Variants in HACE1 observed in about 807,000 individuals in gnomAD.
HACE1 encodes HECT domain and ankyrin repeat containing E3 ubiquitin protein ligase 1.
A neutral mutation model predicts 118.4 loss-of-function variants in HACE1; 73 were observed. The ratio of observed to expected loss-of-function variants is 0.62; its 90% CI spans 0.51 to 0.75. The LOEUF is 0.75. Ranked by LOEUF, HACE1 falls within the 30% of genes least tolerant of loss-of-function variation. The pLI, the probability that HACE1 is intolerant of heterozygous loss-of-function variation, is 0.00. For missense variants in HACE1, 749 were observed against 1,102.2 expected, an observed-to-expected ratio of 0.68 and a Z score of 4.54; for synonymous variants, 368 against 374.8, an observed-to-expected ratio of 0.98 and a Z score of 0.21.
At chr6:104,778,708 G>A (rs2114757427) in intron 14 of HACE1, among the ~76,000 whole-genome samples, 1 of 152,102 alleles carries the variant, frequency 6.6e-6, no homozygotes, top group East Asian at 1.9e-4. Flanking sequence ...GGCTGAGGTG[G>A]GAGAAAACTT....
chr6:104,774,081 T>TC (rs1780932173), intron 17 of HACE1, among the ~76,000 whole-genome samples: 3 of 26,912 alleles, frequency 1.1e-4, no homozygotes, highest in African/African-American at 5.2e-4. Context: ...ATCTTTTCTC[T>TC]TTTTTTTTTT....
At chr6:104,831,641 C>A (rs1260661328) in intron 6 of HACE1, among the ~76,000 whole-genome samples, 1 of 150,520 alleles carries the variant, frequency 6.6e-6, no homozygotes, top group Non-Finnish European at 1.5e-5. Context: ...CGCCTGTAAT[C>A]CCAGCATTTT....
intron 4 of HACE1, among the ~76,000 whole-genome samples, chr6:104,844,285 T>A (rs1276765495): frequency 6.6e-6 from 1 of 151,876 alleles, no homozygotes; most frequent in Non-Finnish European, 1.5e-5. Context: ...TCTGCCCGCC[T>A]AGGTCTCCCA....
At chr6:104,738,503 G>A (rs1387767904) in intron 22 of HACE1, among the ~76,000 whole-genome samples, 6 of 150,040 alleles carry the variant, frequency 4.0e-5, no homozygotes, top group Admixed American at 1.3e-4. Context: ...ACCAAGGCTC[G>A]AGAACTACGT....
chr6:104,823,396 T>C (rs1419469553), intron 6 of HACE1, among the ~76,000 whole-genome samples: 2 of 151,362 alleles, frequency 1.3e-5, no homozygotes, highest in African/African-American at 4.9e-5. Flanking sequence ...ATCATGCCAC[T>C]GCTCCAGACT....
At chr6:104,767,224 G>T (rs755806085) in intron 19 of HACE1, among the ~76,000 whole-genome samples, 5 of 152,150 alleles carry the variant, frequency 3.3e-5, no homozygotes, top group Non-Finnish European at 7.3e-5. Context: ...ATGATAATGA[G>T]GTTGATGAAG....
chr6:104,763,829 C>T (rs894292849), intron 19 of HACE1, among the ~76,000 whole-genome samples: 19 of 152,112 alleles, frequency 1.2e-4, no homozygotes, highest in African/African-American at 4.3e-4. Flanking sequence ...GTGGGCAGAT[C>T]ACTTGGGGTC....
At chr6:104,844,865 C>T (rs1485609092) in intron 4 of HACE1, among the ~76,000 whole-genome samples, 1 of 150,798 alleles carries the variant, frequency 6.6e-6, no homozygotes, top group Non-Finnish European at 1.5e-5. Context: ...GGTTTCACCA[C>T]GTTGGCCAGG....
Position 104,794,275 on chromosome 6 carries a change from A to G in HACE1, c.923+1304T>C, listed in dbSNP as rs1487077270. 2.0e-5 allele frequency among the ~76,000 whole-genome samples: 3 copies of G among 152,208 alleles called. No homozygotes were observed. In the South Asian group the frequency reaches 6.2e-4, roughly 32 times the overall value. On this transcript the variant is annotated intron_variant, in intron 10 of 23. Transcript: ENST00000262903. The stretch of plus-strand genomic sequence containing the variant: ...CTTAAAAACATAGATACATCAAAAC[A>G]TAAATGCTTTATAATTACTGTGGAA...
chr6:104,823,066 G>GT (rs1166163474), intron 6 of HACE1, among the ~76,000 whole-genome samples: 1 of 152,168 alleles, frequency 6.6e-6, no homozygotes, highest in Admixed American at 6.5e-5. Context: ...TGGTGAAAAA[G>GT]TAATTGTGGT....
At position 104,784,495 on chromosome 6, in the gene HACE1, GA is replaced by G; in HGVS notation, c.1410-11del. On this transcript the variant is annotated splice_polypyrimidine_tract_variant and intron_variant, in intron 12 of 23. Transcript: ENST00000262903. ...ACGAGGTGAAGTCATTCTGTGGGGGGAAAACATCAATCAGAATACACAGGCA... is the reference window on the plus strand; with the variant it reads ...ACGAGGTGAAGTCATTCTGTGGGGGGAAACATCAATCAGAATACACAGGCA... 1 of 1,597,274 alleles carries G rather than the reference GA, an allele frequency of 6.3e-7. No homozygotes were observed. Among genetic ancestry groups the G allele is most frequent in the Non-Finnish European group, 8.6e-7 (1 of 1,165,198 alleles).
chr6:104,736,891 A>G (rs1001650469), intron 22 of HACE1, among the ~76,000 whole-genome samples: 26 of 152,154 alleles, frequency 1.7e-4, no homozygotes, highest in South Asian at 1.0e-3. Context: ...GAATAGTGGG[A>G]TCACTTAACA....
chr6:104,806,688 A>G (rs1174360632), intron 7 of HACE1, among the ~76,000 whole-genome samples: 1 of 152,196 alleles, frequency 6.6e-6, no homozygotes, highest in Non-Finnish European at 1.5e-5. Flanking sequence ...TTATAAATGA[A>G]GTTGTTTTTG....
At chr6:104,826,612 T>G (rs772314243) in intron 6 of HACE1, among the ~76,000 whole-genome samples, 13 of 152,208 alleles carry the variant, frequency 8.5e-5, no homozygotes, top group Non-Finnish European at 1.2e-4. Flanking sequence ...CTTGCTAAAA[T>G]TAAGCGCAGT....
At chr6:104,757,311 C>T (rs939791837) in intron 19 of HACE1, among the ~76,000 whole-genome samples, 2 of 152,086 alleles carry the variant, frequency 1.3e-5, no homozygotes, top group African/African-American at 2.4e-5. Flanking sequence ...CTCATACAGG[C>T]GGGTGCCCCT....
At chr6:104,820,768 A>G (rs548566430) in intron 6 of HACE1, among the ~76,000 whole-genome samples, 10 of 152,358 alleles carry the variant, frequency 6.6e-5, no homozygotes, top group African/African-American at 2.2e-4. Context: ...CCATTGTAGA[A>G]GACAGTGTGG....
chr6:104,827,249 C>CT (rs1329557727), intron 6 of HACE1, among the ~76,000 whole-genome samples: 1 of 152,056 alleles, frequency 6.6e-6, no homozygotes, highest in East Asian at 1.9e-4. Flanking sequence ...TGATAAAACT[C>CT]TAAGTAAAAA....
intron 7 of HACE1, among the ~76,000 whole-genome samples, chr6:104,807,366 C>CT (rs1771125226): frequency 6.6e-6 from 1 of 152,044 alleles, no homozygotes; most frequent in African/African-American, 2.4e-5. Context: ...TTTGAATACT[C>CT]TAACTGAAAC....
chr6:104,831,750 G>A (rs944853570), intron 6 of HACE1, among the ~76,000 whole-genome samples: 61 of 151,704 alleles, frequency 4.0e-4, no homozygotes, highest in African/African-American at 1.4e-3. Flanking sequence ...AAAATTAGCC[G>A]GGCGTGGTGG....
Sources: allele counts gnomAD v4.1 joint callset (sites outside exome capture counted in the v4.1 genomes callset), GRCh38; gene constraint gnomAD v4.1.1; transcripts MANE v1.5; gene names NCBI Gene and HGNC (gene_info 2026-07-23, HGNC 2026-07-21).